Variants in RMDN2 observed in about 807,000 individuals in gnomAD.
RMDN2 encodes the protein regulator of microtubule dynamics protein 2.
In RMDN2, 61 loss-of-function variants were observed where a neutral mutation model predicts 52.8. The ratio of observed to expected loss-of-function variants is 1.16; its 90% CI spans 0.94 to 1.43. The LOEUF (loss-of-function observed/expected upper bound fraction) is 1.43, where lower values mean the gene tolerates loss of function less well. RMDN2 is among the 40% of genes most tolerant of loss of function. The probability of loss-of-function intolerance (pLI) is 0.00; values close to 1 mark genes in which losing one functional copy is unlikely to be tolerated. For missense variants in RMDN2, 592 were observed against 475.3 expected (o/e 1.25, Z -2.28); for synonymous variants, 180 against 153.1 (o/e 1.18, Z -1.30).
At position 37,997,523 on chromosome 2, in the gene RMDN2, T is replaced by C; in HGVS notation, c.1044+9T>C. ...TACACAATTTCCTTAAGGTACATTTTGTGTATCCATTATTTTAGTGTCAGA... is the reference window on the plus strand; with the variant it reads ...TACACAATTTCCTTAAGGTACATTTCGTGTATCCATTATTTTAGTGTCAGA... On this transcript the variant is annotated intron_variant, in intron 8 of 10. Coordinates refer to ENST00000354545, the MANE Select transcript of RMDN2 (RefSeq NM_001170791.3). 5 of 1,544,908 alleles carry C rather than the reference T, an allele frequency of 3.2e-6. No individual in the cohort carries two copies. The highest frequency in any genetic ancestry group is 4.5e-6 in the Non-Finnish European group (5 of 1,117,224).
intron 2 of RMDN2, chr2:37,951,613 GTA>G: frequency 1.2e-6 from 2 of 1,613,360 alleles, no homozygotes; most frequent in African/African-American, 2.7e-5. Flanking sequence ...CGTAAACTAA[GTA>G]TAGTTTCCTA....
At chr2:37,933,898 C>A (rs765380900) in intron 2 of RMDN2, among the ~76,000 whole-genome samples, 1 of 152,098 alleles carries the variant, frequency 6.6e-6, no homozygotes, top group African/African-American at 2.4e-5. Context: ...TTTTCAGAAA[C>A]AAGGTTTTTG....
chr2:38,064,631 A>G (rs1283750378), intron 10 of RMDN2, among the ~76,000 whole-genome samples: 1 of 152,208 alleles, frequency 6.6e-6, no homozygotes, highest in Non-Finnish European at 1.5e-5. Context: ...TTGCTTCTGT[A>G]TATACAATAT....
chr2:37,982,342 C>T (rs1407628739), intron 5 of RMDN2, among the ~76,000 whole-genome samples: 1 of 152,194 alleles, frequency 6.6e-6, no homozygotes, highest in Non-Finnish European at 1.5e-5. Context: ...AATCCGGTAA[C>T]ATTTTATTTG....
chr2:38,003,109 ATCTG>A (rs1676534786), intron 8 of RMDN2: 1 of 152,232 alleles, frequency 6.6e-6, no homozygotes, highest in African/African-American at 2.4e-5. Context: ...TGTTTCAAGG[ATCTG>A]TCTTTCCTTT....
At chr2:38,045,173 A>G (rs1681196181) in intron 10 of RMDN2, among the ~76,000 whole-genome samples, 1 of 152,214 alleles carries the variant, frequency 6.6e-6, no homozygotes. Context: ...TAATTTAAAT[A>G]GTATTTTGGC....
At chr2:37,966,393 G>A (rs576479761) in intron 2 of RMDN2, among the ~76,000 whole-genome samples, 305 of 151,964 alleles carry the variant, frequency 2.0e-3, no homozygotes, top group African/African-American at 7.0e-3. Context: ...TTCCAGCCTG[G>A]GCAACAGAGT....
At chr2:38,043,022 G>A (rs1681061789) in intron 10 of RMDN2, among the ~76,000 whole-genome samples, 1 of 152,144 alleles carries the variant, frequency 6.6e-6, no homozygotes, top group South Asian at 2.1e-4. Flanking sequence ...GATTGCCAGT[G>A]CTGTTTAAAG....
intron 5 of RMDN2, among the ~76,000 whole-genome samples, chr2:37,982,872 C>T (rs189480983): frequency 8.5e-5 from 13 of 152,226 alleles, no homozygotes; most frequent in Admixed American, 7.2e-4. Context: ...TCTGTTCCTA[C>T]GTTTAGTAGT....
At chr2:37,950,269 C>G in intron 2 of RMDN2, 2 of 498,854 alleles carry the variant, frequency 4.0e-6, no homozygotes, top group South Asian at 4.0e-5. Flanking sequence ...ATGTTATTGT[C>G]CTTATCCAGC....
intron 10 of RMDN2, among the ~76,000 whole-genome samples, chr2:38,016,164 A>G (rs1678749324): frequency 6.6e-6 from 1 of 152,228 alleles, no homozygotes; most frequent in Non-Finnish European, 1.5e-5. Flanking sequence ...TTAACTAGAG[A>G]CTATACTGAA....
intron 2 of RMDN2, among the ~76,000 whole-genome samples, chr2:37,947,257 C>G (rs1225034586): frequency 6.6e-6 from 1 of 152,050 alleles, no homozygotes; most frequent in Non-Finnish European, 1.5e-5. Context: ...CATGTGTACA[C>G]ATTATTTAGT....
At chr2:37,925,143 G>A (rs79640273), upstream of RMDN2, among the ~76,000 whole-genome samples, 9,061 of 152,216 alleles carry the variant, frequency 0.06, 904 homozygotes, top group African/African-American at 0.2. Flanking sequence ...TCCGGCGCGA[G>A]CCAGGCGCCC....
intron 2 of RMDN2, among the ~76,000 whole-genome samples, chr2:37,966,416 T>TA (rs749707294): frequency 0.026 from 3,676 of 139,882 alleles, 83 homozygotes; most frequent in African/African-American, 0.062. Context: ...GGCTCTGTCT[T>TA]AAAAAAAAAA....
chr2:38,060,136 A>G lies in RMDN2; in HGVS notation c.1714-6846A>G, dbSNP rs57657384. On this transcript the variant is annotated intron_variant, in intron 10 of 10. Transcript: ENST00000234195. ...TTATTTTATTTTTTTTAGTAGAGAC[A>G]GGATTTCACTGTGTTACGCAGGATG... 1.8e-3 allele frequency among the ~76,000 whole-genome samples: 277 copies of G among 150,058 alleles called. 2 individuals are homozygous for G. The highest frequency in any genetic ancestry group is 6.4e-3 in the African/African-American group (259 of 40,554).
intron 10 of RMDN2, among the ~76,000 whole-genome samples, chr2:38,039,071 CACACACACACACACACACACACAG>C (rs1437232935): frequency 1.2e-4 from 15 of 122,926 alleles, no homozygotes; most frequent in African/African-American, 3.9e-4. Context: ...CACACACACA[CACACACACACACACACACACACAG>C]AGAGAGAGAT....
chr2:38,016,909 G>A (rs922093489), intron 10 of RMDN2, among the ~76,000 whole-genome samples: 4 of 151,510 alleles, frequency 2.6e-5, no homozygotes, highest in African/African-American at 7.3e-5. Flanking sequence ...CTCATAGAGC[G>A]ACACTCCAGG....
chr2:37,974,105 G>T lies in RMDN2; in HGVS notation c.518G>T (p.Arg173Leu). The T allele has an allele frequency of 6.2e-7, 1 of 1,612,654 alleles. No homozygotes were observed. The highest frequency in any genetic ancestry group is 8.5e-7 in the Non-Finnish European group (1 of 1,178,824). ...SFPVPKAFNT[R>L]VEELNLDVLL... The stretch of plus-strand genomic sequence containing the variant: ...CCAGTCCCTAAGGCATTTAACACAC[G>T]TGTAGAGGAATTAAATTTAGATGTC... Residue 173 changes from arginine (R) to leucine (L), a missense_variant, in exon 3 of 11, where the codon CGT becomes CTT. Coordinates refer to ENST00000354545, the MANE Select transcript of RMDN2 (RefSeq NM_001170791.3).
At chr2:38,066,526 C>CA (rs1488447572) in intron 10 of RMDN2, among the ~76,000 whole-genome samples, 2 of 152,016 alleles carry the variant, frequency 1.3e-5, no homozygotes, top group Non-Finnish European at 2.9e-5. Flanking sequence ...GTCACTGAGC[C>CA]AAAAAACGGA....
Sources: allele counts gnomAD v4.1 joint callset (sites outside exome capture counted in the v4.1 genomes callset), GRCh38; gene constraint gnomAD v4.1.1; transcripts MANE v1.5; gene names NCBI Gene and HGNC (gene_info 2026-07-23, HGNC 2026-07-21).